POU2F2: variants seen among roughly 807,000 people sequenced by gnomAD.
POU2F2 encodes POU domain, class 2, transcription factor 2.
Under a neutral mutation model 63.5 loss-of-function variants are expected in POU2F2, and 14 were observed. The observed-to-expected ratio is 0.22, with a 90% confidence interval of 0.15 to 0.34. The LOEUF is 0.34. Ranked by LOEUF, POU2F2 falls within the 10% of genes least tolerant of loss-of-function variation. The pLI, the probability that POU2F2 is intolerant of heterozygous loss-of-function variation, is 1.00. For missense variants in POU2F2, 607 were observed against 815.2 expected, an observed-to-expected ratio of 0.74 and a Z score of 3.11; for synonymous variants, 306 against 348.6, an observed-to-expected ratio of 0.88 and a Z score of 1.36.
At chr19:42,139,266 G>C (rs967406953) in intron 2 of POU2F2, among the ~76,000 whole-genome samples, 3 of 152,156 alleles carry the variant, frequency 2.0e-5, no homozygotes, top group Non-Finnish European at 2.9e-5. Flanking sequence ...GTTGCAGTGA[G>C]CTGAGATCAC....
Position 42,090,327 on chromosome 19 carries a change from T to G in POU2F2, c.*930A>C, listed in dbSNP as rs775185947. The G allele has an allele frequency of 6.6e-6, 1 of 152,416 alleles. No individual in the cohort carries two copies. Among genetic ancestry groups the G allele is most frequent in the Non-Finnish European group, 1.5e-5 (1 of 67,982 alleles). 9.4% of individuals were successfully genotyped at this position (152,416 alleles called of 1,614,324 possible). ...CCCATAGGCTGGGGAGGGAGTCAGT[T>G]CCAGAGCAGAGGAGGGTGACAGGGT... On this transcript the variant is annotated 3_prime_UTR_variant, in exon 15 of 15. Transcript: ENST00000692977. The surrounding 1 kb of genome is among the most constrained non-coding windows in gnomAD (Gnocchi z 4.4).
At chr19:42,151,172 G>A (rs2034341193) in intron 2 of POU2F2, among the ~76,000 whole-genome samples, 1 of 152,184 alleles carries the variant, frequency 6.6e-6, no homozygotes, top group East Asian at 1.9e-4. Context: ...GAGAGGTCGG[G>A]GGTCAGGCCA....
At chr19:42,167,223 G>A (rs2034669952) in intron 1 of POU2F2, among the ~76,000 whole-genome samples, 1 of 152,220 alleles carries the variant, frequency 6.6e-6, no homozygotes, top group Non-Finnish European at 1.5e-5. Flanking sequence ...GGGAGGCCGT[G>A]GCGGGCAGAT....
intron 1 of POU2F2, among the ~76,000 whole-genome samples, chr19:42,163,958 C>A (rs903191825): frequency 9.9e-5 from 15 of 152,134 alleles, no homozygotes; most frequent in African/African-American, 3.6e-4. Flanking sequence ...TGTTCATAAT[C>A]TGTTGTTAGG....
At chr19:42,165,274 C>T (rs147849401) in intron 1 of POU2F2, among the ~76,000 whole-genome samples, 1 of 152,322 alleles carries the variant, frequency 6.6e-6, no homozygotes, top group African/African-American at 2.4e-5. Flanking sequence ...TGGAGAAGAG[C>T]TCACTCCTCT....
chr19:42,148,878 T>C (rs1421654246), intron 2 of POU2F2, among the ~76,000 whole-genome samples: 1 of 152,052 alleles, frequency 6.6e-6, no homozygotes, highest in Non-Finnish European at 1.5e-5. Flanking sequence ...ACAATGGACA[T>C]GGACCCAGGC....
chr19:42,194,833 G>C (rs578107128), intron 1 of POU2F2, among the ~76,000 whole-genome samples: 81 of 133,496 alleles, frequency 6.1e-4, no homozygotes, highest in Non-Finnish European at 1.1e-3. Context: ...GGCAGAAAGG[G>C]AGAAAGGGAG....
At chr19:42,116,871 G>T (rs2031949929) in intron 5 of POU2F2, 1 of 443,552 alleles carries the variant, frequency 2.3e-6, no homozygotes, top group Non-Finnish European at 4.5e-6. Flanking sequence ...TAGAGGAGGA[G>T]GCGGAGGCGG....
intron 1 of POU2F2, among the ~76,000 whole-genome samples, chr19:42,193,064 CAA>C (rs1010641841): frequency 1.5e-5 from 2 of 131,772 alleles, no homozygotes. Context: ...ACTAAAAATA[CAA>C]AAAAAAAAAA....
intron 2 of POU2F2, among the ~76,000 whole-genome samples, chr19:42,151,060 A>T (rs955941232): frequency 6.6e-6 from 1 of 151,688 alleles, no homozygotes; most frequent in Non-Finnish European, 1.5e-5. Context: ...CCTCCCCCCT[A>T]CCTGGCCCCC....
chr19:42,159,797 C>T (rs757271825), intron 2 of POU2F2, among the ~76,000 whole-genome samples: 83 of 152,338 alleles, frequency 5.4e-4, no homozygotes, highest in Non-Finnish European at 7.3e-4. Context: ...TTCATCTTCA[C>T]GCCACCTCCA....
intron 1 of POU2F2, among the ~76,000 whole-genome samples, chr19:42,181,252 CAA>C (rs1230812022): frequency 2.6e-5 from 4 of 152,224 alleles, no homozygotes; most frequent in Non-Finnish European, 5.9e-5. Flanking sequence ...CAGGCACATG[CAA>C]AGACGTACAC....
intron 2 of POU2F2, among the ~76,000 whole-genome samples, chr19:42,145,824 C>T (rs1436817536): frequency 6.6e-6 from 1 of 152,120 alleles, no homozygotes; most frequent in Non-Finnish European, 1.5e-5. Context: ...ATCCCAGCTA[C>T]TCGGGAGGCT....
upstream of POU2F2, among the ~76,000 whole-genome samples, chr19:42,179,808 G>A (rs988273030): frequency 6.6e-6 from 1 of 152,162 alleles, no homozygotes; most frequent in African/African-American, 2.4e-5. Flanking sequence ...CAGGACCTGT[G>A]CAGCGTGTGC....
rs56158047 is a variant in POU2F2, at chr19:42,092,987, GTATA to G, written c.1265-721_1265-718del. Among the ~76,000 whole-genome samples the G allele has an allele frequency of 0.026, 2,441 of 92,790 alleles. 139 individuals are homozygous for G. The highest frequency in any genetic ancestry group is 0.03 in the Non-Finnish European group (1,618 of 53,200). The allele number at this position is 92,790 out of a possible 152,430, so 60.9% of individuals were successfully genotyped here. On this transcript the variant is annotated intron_variant, in intron 12 of 14. Coordinates refer to ENST00000692977, the MANE Select transcript of POU2F2 (RefSeq NM_001394376.1). The surrounding 1 kb of genome is among the most constrained non-coding windows in gnomAD (Gnocchi z 5.0). The stretch of plus-strand genomic sequence containing the variant: ...ATGCATATATATATTATGTGTGTGT[GTATA>G]TATATATATATATATATATTTTTTT...
chr19:42,188,834 AAAAG>A (rs1049784515), intron 1 of POU2F2, among the ~76,000 whole-genome samples: 20 of 147,656 alleles, frequency 1.4e-4, no homozygotes, highest in African/African-American at 4.2e-4. Context: ...AGAGGAAGAA[AAAAG>A]AAAGAAAGGG....
Position 42,092,468 on chromosome 19 carries a change from G to A in POU2F2, c.1265-198C>T, listed in dbSNP as rs1029140421. Among the ~76,000 whole-genome samples, 8 of 152,174 alleles carry A rather than the reference G, an allele frequency of 5.3e-5. No individual in the cohort carries two copies. Among genetic ancestry groups the A allele is most frequent in the Admixed American group, 2.0e-4 (3 of 15,288 alleles). On this transcript the variant is annotated intron_variant, in intron 12 of 14. Transcript: ENST00000692977. This position sits in a 1 kb window ranked among gnomAD's most constrained non-coding sequence, Gnocchi z 5.0. ...CCATGGTGACCCCTGTCATAACAAT[G>A]GAAGTCAGAGCAGGTGCTTCCTGCT...
At chr19:42,124,379 T>TAA (rs58616252) in intron 1 of POU2F2, among the ~76,000 whole-genome samples, 108 of 132,554 alleles carry the variant, frequency 8.1e-4, no homozygotes, top group Admixed American at 1.6e-3. Context: ...TCAGTAACTG[T>TAA]AAAAAAAAAA....
chr19:42,152,319 C>A lies in POU2F2; in HGVS notation c.-9+8013G>T, dbSNP rs141322647. ...AAGAAGAGGGGGAGAATAAGGCGGG[C>A]CTCTTTTGGAGGGGGTGGGATGGGC... is the stretch of plus-strand genomic sequence containing the variant. On this transcript the variant is annotated intron_variant, in intron 2 of 6. Coordinates refer to the POU2F2 transcript ENST00000524801. The surrounding 1 kb of genome is among the most constrained non-coding windows in gnomAD (Gnocchi z 4.1). Among the ~76,000 whole-genome samples the A allele has an allele frequency of 3.9e-5, 6 of 152,212 alleles. 1 individual carries two copies. The East Asian group carries it at 1.2e-3, about 29-fold the overall frequency.
Sources: gnomAD v4.1 joint callset for allele counts (sites outside exome capture counted in the v4.1 genomes callset) on GRCh38, gnomAD v4.1.1 for gene constraint, Gnocchi (gnomAD v3.1) non-coding constraint, MANE v1.5 for transcripts, NCBI Gene and HGNC (gene_info 2026-07-23, HGNC 2026-07-21) for gene names.